Variants in TTC27 observed in about 807,000 individuals in gnomAD.
TTC27 encodes the protein tetratricopeptide repeat protein 27.
A neutral mutation model predicts 115.9 loss-of-function variants in TTC27; 79 were observed. The observed-to-expected ratio is 0.68, with a 90% CI of 0.57 to 0.82. TTC27 has a LOEUF of 0.82. TTC27 is among the 40% of genes least tolerant of loss of function. The probability of loss-of-function intolerance (pLI) is 0.00; values close to 1 mark genes in which losing one functional copy is unlikely to be tolerated. For synonymous variants in TTC27, 401 were observed against 356.0 expected (o/e 1.13, Z -1.42); for missense variants, 1,054 against 993.1 (o/e 1.06, Z -0.82).
chr2:32,758,548 C>T (rs1318496904), intron 13 of TTC27, 29 bp downstream of exon 13: 1 of 1,595,006 alleles, frequency 6.3e-7, no homozygotes, highest in South Asian at 1.1e-5. Context: ...CCCTGCTGCT[C>T]TCAGCGCTTG....
intron 19 of TTC27, among the ~76,000 whole-genome samples, 185 bp downstream of exon 19, chr2:32,817,742 TAA>T (rs1451700799): frequency 2.8e-4 from 42 of 152,230 alleles, no homozygotes; most frequent in African/African-American, 8.9e-4. Context: ...TAGACCACTC[TAA>T]ATGTGTATGA....
Position 32,811,187 on chromosome 2 carries a change from A to G in TTC27, c.2162A>G (p.Asn721Ser), listed in dbSNP as rs1260140671. ...IWRLYAHVYG[N>S]GQSEKPDENE... The stretch of plus-strand genomic sequence containing the variant: ...AGGCTGTATGCCCACGTATATGGAA[A>G]TGGGCAGAGTGAAAAGCCTGATGAA... Residue 721 changes from asparagine to serine, a missense_variant, in exon 17 of 20, where the codon AAT (asparagine) becomes AGT (serine). Physicochemically the swap from Asn to Ser is conservative, Grantham distance 46. Coordinates refer to ENST00000317907, the MANE Select transcript of TTC27 (RefSeq NM_017735.5). 6.2e-7 allele frequency: 1 copy of G among 1,614,156 alleles called. No individual in the cohort carries two copies. The highest frequency in any genetic ancestry group is 8.5e-7 in the Non-Finnish European group (1 of 1,180,008).
chr2:32,697,530 C>T (rs1247762411), intron 9 of TTC27, among the ~76,000 whole-genome samples: 2 of 152,172 alleles, frequency 1.3e-5, no homozygotes, highest in Non-Finnish European at 2.9e-5. Flanking sequence ...GTAATAATTG[C>T]ATTTAGCTTA....
At chr2:32,747,404 G>A (rs1172427114) in intron 12 of TTC27, among the ~76,000 whole-genome samples, 1 of 152,094 alleles carries the variant, frequency 6.6e-6, no homozygotes, top group African/African-American at 2.4e-5. Context: ...TACCTTAAAT[G>A]TGCTCAAAAT....
At chr2:32,775,691 G>T (rs1486956387) in intron 13 of TTC27, among the ~76,000 whole-genome samples, 2 of 151,998 alleles carry the variant, frequency 1.3e-5, no homozygotes, top group Non-Finnish European at 2.9e-5. Context: ...GCCATCGGTT[G>T]TAAGAAGTAC....
intron 16 of TTC27, among the ~76,000 whole-genome samples, chr2:32,806,640 G>A (rs1047239884): frequency 3.9e-5 from 6 of 152,050 alleles, no homozygotes; most frequent in African/African-American, 1.4e-4. Flanking sequence ...AAATTAGCCG[G>A]GCATGGTGGC....
At chr2:32,766,275 C>A (rs1669623056) in intron 13 of TTC27, among the ~76,000 whole-genome samples, 1 of 152,146 alleles carries the variant, frequency 6.6e-6, no homozygotes, top group African/African-American at 2.4e-5. Flanking sequence ...ATGATGATCA[C>A]CTGATACATT....
intron 9 of TTC27, among the ~76,000 whole-genome samples, chr2:32,679,468 G>A (rs1666342385): frequency 6.6e-6 from 1 of 152,162 alleles, no homozygotes; most frequent in African/African-American, 2.4e-5. Context: ...ATCAAGAAGG[G>A]CTTTTAAGAA....
intron 2 of TTC27, 110 bp from the exon 3 acceptor site, chr2:32,633,766 T>TA (rs1381449376): frequency 1.6e-6 from 2 of 1,287,194 alleles, no homozygotes; most frequent in Non-Finnish European, 2.1e-6. Context: ...ATAGTCTCAA[T>TA]AAATGTTGAT....
At position 32,664,859 on chromosome 2, in the gene TTC27, G is replaced by C. The variant is rs572425777; in HGVS notation, c.805+392G>C. ...GCTTTTTTTTTTTTTTTGAGACCGA[G>C]TCTCGCTCTGTCGCCCAGGCTGGAG... On this transcript the variant is annotated intron_variant, in intron 6 of 19. Transcript: ENST00000317907. 4.0e-5 allele frequency among the ~76,000 whole-genome samples: 6 copies of C among 149,020 alleles called. No homozygotes were observed. The South Asian group carries it at 1.3e-3, about 32-fold the overall frequency.
At chr2:32,783,761 C>T (rs911949764) in intron 15 of TTC27, among the ~76,000 whole-genome samples, 4 of 152,178 alleles carry the variant, frequency 2.6e-5, no homozygotes, top group Non-Finnish European at 2.9e-5. Context: ...ACCAACTAAA[C>T]GGGCTTATTG....
At chr2:32,678,253 CAAAA>C (rs10710939) in intron 8 of TTC27, among the ~76,000 whole-genome samples, 12 of 99,096 alleles carry the variant, frequency 1.2e-4, no homozygotes, top group East Asian at 2.8e-4. Flanking sequence ...AGCCCTGTCT[CAAAA>C]AAAAAAAAAA....
intron 10 of TTC27, among the ~76,000 whole-genome samples, chr2:32,731,442 C>A (rs75155129): frequency 0.19 from 29,200 of 152,076 alleles, 2,934 homozygotes; most frequent in South Asian, 0.36. Context: ...TGGCACAAAC[C>A]TAGCTCACTG....
At chr2:32,766,314 G>C (rs1168141107) in intron 13 of TTC27, among the ~76,000 whole-genome samples, 1 of 152,172 alleles carries the variant, frequency 6.6e-6, no homozygotes, top group Non-Finnish European at 1.5e-5. Flanking sequence ...AGGACATTCA[G>C]AGGCCTCGCT....
intron 10 of TTC27, among the ~76,000 whole-genome samples, chr2:32,727,096 A>C (rs1168729861): frequency 6.6e-6 from 1 of 152,238 alleles, no homozygotes; most frequent in Non-Finnish European, 1.5e-5. Flanking sequence ...GATGCAGCCA[A>C]ACCATATCAG....
intron 10 of TTC27, among the ~76,000 whole-genome samples, chr2:32,714,154 C>A (rs1667676358): frequency 7.5e-6 from 1 of 132,790 alleles, no homozygotes; most frequent in Non-Finnish European, 1.7e-5. Context: ...CGCACCCCCG[C>A]CCCCCCGCCT....
At chr2:32,806,668 G>GTCAT (rs1240034128) in intron 16 of TTC27, among the ~76,000 whole-genome samples, 1 of 152,070 alleles carries the variant, frequency 6.6e-6, no homozygotes, top group African/African-American at 2.4e-5. Context: ...TGTAGTCCCA[G>GTCAT]CTACTCGGGA....
Position 32,650,222 on chromosome 2 carries a change from G to A in TTC27, c.629G>A (p.Cys210Tyr). The change falls in exon 5 of 20, where the codon TGT becomes TAT. Residue 210 changes from cysteine to tyrosine, a missense_variant. By Grantham distance (194) the Cys-to-Tyr change is radical. Transcript: ENST00000317907. Reference sequence around the variant, plus strand: ...CTGCTTTTTACTCTTGCCGAAAACTGTATTGATCAAGGTATGTAGCAGATT... The same window carrying A: ...CTGCTTTTTACTCTTGCCGAAAACTATATTGATCAAGGTATGTAGCAGATT... ...SPLLFTLAEN[C>Y]IDQVMKLQNL... 2 of 1,613,526 alleles carry A rather than the reference G, an allele frequency of 1.2e-6. No individual in the cohort carries two copies. The highest frequency in any genetic ancestry group is 1.7e-6 in the Non-Finnish European group (2 of 1,179,740).
rs183844937 is a variant in TTC27, at chr2:32,726,906, G to A, written c.1234-6922G>A. On this transcript the variant is annotated intron_variant, in intron 10 of 19. Coordinates refer to ENST00000317907, the MANE Select transcript of TTC27 (RefSeq NM_017735.5). ...GCAGCAAGTCACATCTTACATGGATGGCAGCAGTCAAAGAAAGAGAGCTTT... is the reference window on the plus strand; with the variant it reads ...GCAGCAAGTCACATCTTACATGGATAGCAGCAGTCAAAGAAAGAGAGCTTT... Among the ~76,000 whole-genome samples, 78 of 152,310 alleles carry A rather than the reference G, an allele frequency of 5.1e-4. No homozygotes were observed. The East Asian group carries it at 0.014, about 27-fold the overall frequency.
Sources: allele counts gnomAD v4.1 joint callset (sites outside exome capture counted in the v4.1 genomes callset), GRCh38; gene constraint gnomAD v4.1.1; transcripts MANE v1.5; gene names NCBI Gene and HGNC (gene_info 2026-07-23, HGNC 2026-07-21).